The following ZEB2 variants were observed in gnomAD, a reference collection of about 807,000 sequenced individuals.
ZEB2 encodes zinc finger E-box binding homeobox 2.
Under a neutral mutation model 99.9 loss-of-function variants are expected in ZEB2, and 6 were observed. The ratio of observed to expected loss-of-function variants is 0.06; its 90% confidence interval spans 0.03 to 0.12. The LOEUF (loss-of-function observed/expected upper bound fraction) is 0.12, where lower values mean the gene tolerates loss of function less well. Ranked by LOEUF, ZEB2 falls within the 10% of genes least tolerant of loss-of-function variation. The pLI is 1.00. For synonymous variants in ZEB2, 517 were observed against 542.5 expected (o/e 0.95, Z 0.65); for missense variants, 969 against 1,502.8 (o/e 0.64, Z 5.87).
At chr2:144,440,516 T>TATATATATATATA (rs1491431111) in intron 2 of ZEB2, among the ~76,000 whole-genome samples, 8 of 10,028 alleles carry the variant, frequency 8.0e-4, no homozygotes, top group African/African-American at 1.6e-3. Flanking sequence ...TATATATATA[T>TATATATATATATA]TTTTTTTTTT....
intron 2 of ZEB2, chr2:144,513,842 G>A: frequency 6.5e-7 from 1 of 1,534,292 alleles, no homozygotes; most frequent in East Asian, 2.4e-5. Flanking sequence ...GAAAAAGGGG[G>A]GCTGGGTTTT....
At chr2:144,502,346 A>G (rs2149925934) in intron 2 of ZEB2, among the ~76,000 whole-genome samples, 1 of 152,050 alleles carries the variant, frequency 6.6e-6, no homozygotes, top group South Asian at 2.1e-4. Context: ...TTTTTTTCAT[A>G]AAGTTATTCC....
chr2:144,404,431 G>C (rs2149879448), intron 5 of ZEB2, among the ~76,000 whole-genome samples: 1 of 151,758 alleles, frequency 6.6e-6, no homozygotes, highest in African/African-American at 2.4e-5. Context: ...GTGACTGACA[G>C]TTCCTATGAA....
chr2:144,402,913 G>A (rs1220894821), intron 6 of ZEB2, among the ~76,000 whole-genome samples: 1 of 152,110 alleles, frequency 6.6e-6, no homozygotes, highest in African/African-American at 2.4e-5. Flanking sequence ...CACCATTATT[G>A]ACTGTGTTTG....
At chr2:144,472,610 T>G (rs777605185) in intron 2 of ZEB2, among the ~76,000 whole-genome samples, 7 of 152,168 alleles carry the variant, frequency 4.6e-5, no homozygotes, top group African/African-American at 7.2e-5. Context: ...GTCAGGTAAC[T>G]GCCCAATGTC....
Position 144,389,599 on chromosome 2 carries a change from T to C in ZEB2, c.3497A>G (p.Glu1166Gly). ...CGTATCCATACTTTTATTTTCACTT[T>C]CTTCCTCTTCCTCCTCGAACTCCTC... is the stretch of plus-strand genomic sequence containing the variant. ...GDEEFEEEEE[E>G]SENKSMDTDP... The change falls in exon 10 of 10, where the codon GAA (glutamate) becomes GGA (glycine). Residue 1166 changes from glutamate to glycine, a missense_variant. Glu to Gly is a moderately conservative substitution (Grantham distance 98). Transcript: ENST00000627532. This position sits in a 1 kb window ranked among gnomAD's most constrained non-coding sequence, Gnocchi z 6.8. 1 of 1,614,120 alleles carries C rather than the reference T, an allele frequency of 6.2e-7. No homozygotes were observed. The highest frequency in any genetic ancestry group is 8.5e-7 in the Non-Finnish European group (1 of 1,180,030).
At chr2:144,477,821 C>A (rs1239034021) in intron 2 of ZEB2, among the ~76,000 whole-genome samples, 1 of 152,174 alleles carries the variant, frequency 6.6e-6, no homozygotes, top group East Asian at 1.9e-4. Context: ...GAAGCCTTTG[C>A]TGATGGAGAT....
At chr2:144,421,892 C>CTA (rs1703623581) in intron 4 of ZEB2, among the ~76,000 whole-genome samples, 1 of 152,116 alleles carries the variant, frequency 6.6e-6, no homozygotes, top group South Asian at 2.1e-4. Flanking sequence ...ATTCCCATAT[C>CTA]TATATATCTT....
rs965094024 is a variant in ZEB2, at chr2:144,513,778, G to A, written c.73+3500C>T. 1.3e-6 allele frequency: 2 copies of A among 1,536,134 alleles called. No individual in the cohort carries two copies. The highest frequency in any genetic ancestry group is 3.9e-5 in the Admixed American group (2 of 50,992). On this transcript the variant is annotated intron_variant, in intron 2 of 9. Transcript: ENST00000627532. ...CAGCAGGGCATCTCCCGCTCCGAGT[G>A]CTCATTTCTGACTCCAAGGCTGTGT...
At chr2:144,411,680 T>TC (rs1703466930) in intron 4 of ZEB2, among the ~76,000 whole-genome samples, 2 of 152,196 alleles carry the variant, frequency 1.3e-5, no homozygotes, top group African/African-American at 2.4e-5. Context: ...TTCCTGGGAA[T>TC]TAGTACAGCA....
Position 144,399,786 on chromosome 2 carries a change from C to T in ZEB2, c.1401G>A (p.Val467=). The change falls in exon 8 of 10, where the codon GTG becomes GTA. Residue 467 remains valine (V), a synonymous_variant. Coordinates refer to ENST00000627532, the MANE Select transcript of ZEB2 (RefSeq NM_014795.4). This position sits in a 1 kb window ranked among gnomAD's most constrained non-coding sequence, Gnocchi z 5.6. ...LSEVQKVLQI[V]DNTVSRQKMD... Reference sequence around the variant, plus strand: ...TTTTTTGCCTGGAAACAGTATTGTCCACAATCTGTAGAACCTTTTGTACCT... The same window carrying T: ...TTTTTTGCCTGGAAACAGTATTGTCTACAATCTGTAGAACCTTTTGTACCT... The T allele has an allele frequency of 6.2e-7, 1 of 1,614,050 alleles. No individual in the cohort carries two copies. The highest frequency in any genetic ancestry group is 8.5e-7 in the Non-Finnish European group (1 of 1,180,012).
intron 4 of ZEB2, among the ~76,000 whole-genome samples, chr2:144,409,010 AAAG>A (rs1446208990): frequency 2.6e-5 from 4 of 152,236 alleles, no homozygotes; most frequent in African/African-American, 7.2e-5. Context: ...CCATCTAGAA[AAAG>A]AAGATTTATG....
At chr2:144,400,630 A>G (rs894184154) in intron 7 of ZEB2, among the ~76,000 whole-genome samples, 1 of 152,212 alleles carries the variant, frequency 6.6e-6, no homozygotes, top group Non-Finnish European at 1.5e-5. Context: ...CCATGGCTTT[A>G]ATAAACTTTG....
At position 144,469,326 on chromosome 2, in the gene ZEB2, T is replaced by C. The variant is rs570159358; in HGVS notation, c.74-39300A>G. Among the ~76,000 whole-genome samples, 3 of 152,296 alleles carry C rather than the reference T, an allele frequency of 2.0e-5. No homozygotes were observed. The South Asian group carries it at 6.2e-4, about 32-fold the overall frequency. On this transcript the variant is annotated intron_variant, in intron 2 of 9. Coordinates refer to ENST00000627532, the MANE Select transcript of ZEB2 (RefSeq NM_014795.4). Reference sequence around the variant, plus strand: ...CATAGTACTACTGGTAGCTTTCTCCTGGTCACGGCCAATTCACCAACTAAC... The same window carrying C: ...CATAGTACTACTGGTAGCTTTCTCCCGGTCACGGCCAATTCACCAACTAAC...
chr2:144,454,983 T>G (rs1704102170), intron 2 of ZEB2: 1 of 152,230 alleles, frequency 6.6e-6, no homozygotes, highest in Non-Finnish European at 1.5e-5. Context: ...AGATTTCATT[T>G]GGTCCACATA....
At chr2:144,447,501 C>T (rs1704001656) in intron 2 of ZEB2, among the ~76,000 whole-genome samples, 1 of 152,154 alleles carries the variant, frequency 6.6e-6, no homozygotes, top group South Asian at 2.1e-4. Context: ...CAGTTACTCC[C>T]ATCTTGTCCA....
chr2:144,453,416 C>T (rs536404203), intron 2 of ZEB2, among the ~76,000 whole-genome samples: 17 of 152,336 alleles, frequency 1.1e-4, no homozygotes, highest in Non-Finnish European at 2.2e-4. Context: ...TTCCCCTTAC[C>T]TTCTTTTGCA....
At chr2:144,517,906 A>G in intron 1 of ZEB2, 1 of 446,132 alleles carries the variant, frequency 2.2e-6, no homozygotes. Flanking sequence ...ACACTCGGGC[A>G]AATTGATAAT....
intron 2 of ZEB2, among the ~76,000 whole-genome samples, chr2:144,484,881 A>G (rs1704572179): frequency 6.6e-6 from 1 of 152,160 alleles, no homozygotes; most frequent in African/African-American, 2.4e-5. Flanking sequence ...ACACAGGAGC[A>G]GTAAAACCAA....
Sources: allele counts gnomAD v4.1 joint callset (sites outside exome capture counted in the v4.1 genomes callset), GRCh38; gene constraint gnomAD v4.1.1; non-coding constraint Gnocchi (gnomAD v3.1); transcripts MANE v1.5; gene names NCBI Gene and HGNC (gene_info 2026-07-23, HGNC 2026-07-21).